Variants in PRPSAP1 observed in about 807,000 individuals in gnomAD.
PRPSAP1 encodes the protein phosphoribosyl pyrophosphate synthase-associated protein 1.
A neutral mutation model predicts 39.4 loss-of-function variants in PRPSAP1; 31 were observed. The observed-to-expected ratio is 0.79, with a 90% confidence interval of 0.59 to 1.06. PRPSAP1 has a LOEUF of 1.06. PRPSAP1 is among the 50% of genes least tolerant of loss of function. The pLI, the probability that PRPSAP1 is intolerant of heterozygous loss-of-function variation, is 0.00. For missense variants in PRPSAP1, 430 were observed against 511.6 expected (o/e 0.84, Z 1.54); for synonymous variants, 212 against 192.6 (o/e 1.10, Z -0.83).
Position 76,328,756 on chromosome 17 carries a change from C to G in PRPSAP1, c.742G>C (p.Val248Leu). Residue 248 changes from valine to leucine, a missense_variant, in exon 7 of 10, where the codon GTC becomes CTC. Coordinates refer to ENST00000446526, the MANE Select transcript of PRPSAP1 (RefSeq NM_002766.3). ...MDDGRHSPPM[V>L]KNATVHPGLE... Reference sequence around the variant, plus strand: ...CCTGGGTGCACAGTAGCATTTTTGACCATAGGCGGGGAGTGACGACCATCG... The same window carrying G: ...CCTGGGTGCACAGTAGCATTTTTGAGCATAGGCGGGGAGTGACGACCATCG... 1 of 1,614,090 alleles carries G rather than the reference C, an allele frequency of 6.2e-7. No individual in the cohort carries two copies. The highest frequency in any genetic ancestry group is 8.5e-7 in the Non-Finnish European group (1 of 1,180,004).
chr17:76,344,594 G>A, intron 3 of PRPSAP1, 77 bp downstream of exon 3: 2 of 1,230,598 alleles, frequency 1.6e-6, no homozygotes, highest in Non-Finnish European at 2.3e-6. Context: ...ACACTAAGTT[G>A]TTGTTCATAT....
At chr17:76,334,000 C>T (rs570492964) in intron 3 of PRPSAP1, among the ~76,000 whole-genome samples, 8 of 152,178 alleles carry the variant, frequency 5.3e-5, no homozygotes, top group South Asian at 2.1e-4. Flanking sequence ...GTGATGCTCC[C>T]GCCTCAGCCT....
At position 76,329,746 on chromosome 17, in the gene PRPSAP1, C is replaced by CA. The variant is rs1167170809; in HGVS notation, c.635+296dup. On this transcript the variant is annotated intron_variant, in intron 6 of 9. Coordinates refer to ENST00000446526, the MANE Select transcript of PRPSAP1 (RefSeq NM_002766.3). ...ATGAAACTCCATTTCAAAAAAAAAA[C>CA]AAAAAAAAAAACCATTGCTTGAAAA... Among the ~76,000 whole-genome samples, 224 of 141,544 alleles carry CA rather than the reference C, an allele frequency of 1.6e-3. 1 individual carries two copies. Among genetic ancestry groups the CA allele is most frequent in the Admixed American group, 3.2e-3 (45 of 14,172 alleles). The allele number at this position is 141,544 out of a possible 152,430, so 92.9% of individuals were successfully genotyped here.
At chr17:76,319,902 G>A (rs149903731) in intron 7 of PRPSAP1, among the ~76,000 whole-genome samples, 2 of 152,126 alleles carry the variant, frequency 1.3e-5, no homozygotes, top group African/African-American at 4.8e-5. Flanking sequence ...AAAAGTGTTG[G>A]GGACATGCCA....
At chr17:76,332,148 A>G in intron 4 of PRPSAP1, 115 bp downstream of exon 4, 2 of 1,327,422 alleles carry the variant, frequency 1.5e-6, no homozygotes, top group Non-Finnish European at 2.1e-6. Context: ...AAAACTGTTC[A>G]AAAGGAAACA....
chr17:76,325,556 C>T (rs1365287933), intron 7 of PRPSAP1, among the ~76,000 whole-genome samples: 1 of 150,036 alleles, frequency 6.7e-6, no homozygotes, highest in Admixed American at 6.7e-5. Flanking sequence ...AACATCGAGG[C>T]AAGACCCTCC....
chr17:76,350,935 G>A (rs2071561746), intron 1 of PRPSAP1, among the ~76,000 whole-genome samples: 1 of 152,140 alleles, frequency 6.6e-6, no homozygotes, highest in African/African-American at 2.4e-5. Context: ...GGAGGCTGAG[G>A]CAGGAGAATC....
Position 76,339,353 on chromosome 17 carries a change from C to T in PRPSAP1, c.290+5318G>A, listed in dbSNP as rs139232069. On this transcript the variant is annotated intron_variant, in intron 3 of 9. Coordinates refer to ENST00000446526, the MANE Select transcript of PRPSAP1 (RefSeq NM_002766.3). ...CTGGGAGGCAGAGGTTGCAGTGAGCCGAGATCACGCCACTGCACTCCAGCC... is the reference window on the plus strand; with the variant it reads ...CTGGGAGGCAGAGGTTGCAGTGAGCTGAGATCACGCCACTGCACTCCAGCC... Among the ~76,000 whole-genome samples, 705 of 151,602 alleles carry T rather than the reference C, an allele frequency of 4.7e-3. 27 individuals carry two copies. Among genetic ancestry groups the T allele is most frequent in the African/African-American group, 0.017 (679 of 41,046 alleles).
At chr17:76,311,753 G>A (rs1354199816) in intron 9 of PRPSAP1, 53 bp from the exon 10 acceptor site, 32 of 1,568,656 alleles carry the variant, frequency 2.0e-5, no homozygotes, top group Admixed American at 7.4e-5. Context: ...TGTTCTCCAA[G>A]CTGGTTACAC....
chr17:76,329,735 C>CA (rs201739683), intron 6 of PRPSAP1, among the ~76,000 whole-genome samples: 3,617 of 123,034 alleles, frequency 0.029, 161 homozygotes, highest in African/African-American at 0.099. Flanking sequence ...AACTCCATTT[C>CA]AAAAAAAAAA....
chr17:76,321,428 G>T (rs2071197194), intron 7 of PRPSAP1, among the ~76,000 whole-genome samples: 1 of 152,166 alleles, frequency 6.6e-6, no homozygotes, highest in African/African-American at 2.4e-5. Flanking sequence ...GGTGAAGCAT[G>T]CTACTCAGGG....
At position 76,353,645 on chromosome 17, in the gene PRPSAP1, G is replaced by T. The variant is rs949886665; in HGVS notation, c.59C>A (p.Pro20Gln). ...CGGCGGGGGAACGGGGCGGGCGCGCGGGACGCGGAAAGCCGAGGACGCGGA... is the reference window on the plus strand; with the variant it reads ...CGGCGGGGGAACGGGGCGGGCGCGCTGGACGCGGAAAGCCGAGGACGCGGA... ...PPSASSAFRVPRARPVPPPAM... is the reference protein window; with the variant it reads ...PPSASSAFRVQRARPVPPPAM... The change falls in exon 1 of 10, where the codon CCG becomes CAG. Residue 20 changes from proline (P) to glutamine (Q), a missense_variant. Physicochemically the swap from Pro to Gln is moderately conservative, Grantham distance 76. Coordinates refer to ENST00000446526, the MANE Select transcript of PRPSAP1 (RefSeq NM_002766.3). 3 of 1,535,366 alleles carry T rather than the reference G, an allele frequency of 2.0e-6. No individual in the cohort carries two copies. Among genetic ancestry groups the T allele is most frequent in the East Asian group, 2.6e-5 (1 of 38,684 alleles).
chr17:76,333,469 A>G (rs1598530379), intron 3 of PRPSAP1, among the ~76,000 whole-genome samples: 1 of 151,662 alleles, frequency 6.6e-6, no homozygotes, highest in East Asian at 1.9e-4. Context: ...ATATGGTGAA[A>G]CCTTGTCTCT....
At chr17:76,324,932 G>T (rs1168798250) in intron 7 of PRPSAP1, among the ~76,000 whole-genome samples, 2 of 151,354 alleles carry the variant, frequency 1.3e-5, no homozygotes, top group Non-Finnish European at 2.9e-5. Context: ...GCCAGGTGTG[G>T]TGGCAGGCAC....
At chr17:76,344,094 C>T (rs2071469672) in intron 3 of PRPSAP1, among the ~76,000 whole-genome samples, 1 of 151,216 alleles carries the variant, frequency 6.6e-6, no homozygotes, top group South Asian at 2.1e-4. Context: ...CAGGCGCATG[C>T]CACCATGCCC....
chr17:76,331,807 G>A (rs558418362), intron 4 of PRPSAP1, among the ~76,000 whole-genome samples: 1 of 152,010 alleles, frequency 6.6e-6, no homozygotes, highest in African/African-American at 2.4e-5. Context: ...GCGTGCCCCC[G>A]CCACACAAGG....
At chr17:76,332,189 G>A in intron 4 of PRPSAP1, 74 bp downstream of exon 4, 1 of 1,517,962 alleles carries the variant, frequency 6.6e-7, no homozygotes, top group Non-Finnish European at 9.0e-7. Context: ...GATATCTGAG[G>A]TATGAGCTAA....
chr17:76,322,487 C>T (rs1260948624), intron 7 of PRPSAP1, among the ~76,000 whole-genome samples: 1 of 152,188 alleles, frequency 6.6e-6, no homozygotes, highest in Non-Finnish European at 1.5e-5. Flanking sequence ...GCTAATACAA[C>T]ATCCATTCTG....
intron 5 of PRPSAP1, 125 bp from the exon 6 acceptor site, chr17:76,330,223 C>A: frequency 1.2e-6 from 1 of 828,738 alleles, no homozygotes; most frequent in Non-Finnish European, 1.9e-6. Context: ...GAATTTTAGT[C>A]ACAAGTTTTA....
Sources: allele counts gnomAD v4.1 joint callset (sites outside exome capture counted in the v4.1 genomes callset), GRCh38; gene constraint gnomAD v4.1.1; transcripts MANE v1.5; gene names NCBI Gene and HGNC (gene_info 2026-07-23, HGNC 2026-07-21).